Variants in CACNA2D2 observed in about 807,000 individuals in gnomAD.
The protein encoded by CACNA2D2 is voltage-dependent calcium channel subunit alpha-2/delta-2.
Under a neutral mutation model 166.4 loss-of-function variants are expected in CACNA2D2, and 48 were observed. The ratio of observed to expected loss-of-function variants is 0.29; its 90% confidence interval spans 0.23 to 0.37. The LOEUF (loss-of-function observed/expected upper bound fraction) is 0.37. Among genes scored for constraint, CACNA2D2 ranks in the 10% least tolerant of loss-of-function variants. The probability of loss-of-function intolerance (pLI) is 1.00; values close to 1 mark genes in which losing one functional copy is unlikely to be tolerated. For synonymous variants in CACNA2D2, 561 were observed against 573.7 expected (o/e 0.98, Z 0.32); for missense variants, 1,122 against 1,433.0 (o/e 0.78, Z 3.50).
Position 50,472,486 on chromosome 3 carries a change from C to T in CACNA2D2, c.288+3632G>A, listed in dbSNP as rs573137048. ...CAGGCAGCTCTAGCCTCAGCCCCGA[C>T]CCCAGGCAGAGGAGCTTCCCTCCTT... On this transcript the variant is annotated intron_variant, in intron 2 of 37. Transcript: ENST00000424201. 8.1e-3 allele frequency among the ~76,000 whole-genome samples: 1,239 copies of T among 152,296 alleles called. 20 individuals are homozygous for T. Among genetic ancestry groups the T allele is most frequent in the African/African-American group, 0.028 (1,173 of 41,556 alleles).
At chr3:50,484,394 T>G (rs1017211756) in intron 1 of CACNA2D2, among the ~76,000 whole-genome samples, 3 of 152,176 alleles carry the variant, frequency 2.0e-5, no homozygotes, top group African/African-American at 7.2e-5. Context: ...AGTGCCCTGC[T>G]GTCATGTCCC....
chr3:50,466,988 C>T (rs1709852955), intron 2 of CACNA2D2, among the ~76,000 whole-genome samples: 1 of 152,112 alleles, frequency 6.6e-6, no homozygotes, highest in Non-Finnish European at 1.5e-5. Flanking sequence ...GTTTAAAAAG[C>T]TGGGAAGAGG....
chr3:50,374,906 C>T (rs924635164), intron 21 of CACNA2D2, 93 bp from the exon 22 acceptor site: 2 of 994,180 alleles, frequency 2.0e-6, no homozygotes, highest in African/African-American at 1.6e-5. Context: ...GAGGCCCCAG[C>T]TGCAGCATCC....
Position 50,385,452 on chromosome 3 carries a change from G to A in CACNA2D2, c.511-1115C>T, listed in dbSNP as rs966511330. ...ACCCCCGCTGCCCACTATGACCTGG[G>A]CATGCCCCTCCCCTGTGTTTCTGCC... is the stretch of plus-strand genomic sequence containing the variant. On this transcript the variant is annotated intron_variant, in intron 5 of 37. Coordinates refer to ENST00000424201, the MANE Select transcript of CACNA2D2 (RefSeq NM_006030.4). Among the ~76,000 whole-genome samples, 3 of 152,294 alleles carry A rather than the reference G, an allele frequency of 2.0e-5. No homozygotes were observed. In the South Asian group the frequency reaches 6.2e-4, roughly 32 times the overall value.
chr3:50,468,380 AGTGTGTGTGTGTGTGTGTGTGTGTGTGT>A (rs3220659), intron 2 of CACNA2D2, among the ~76,000 whole-genome samples: 10 of 83,172 alleles, frequency 1.2e-4, no homozygotes, highest in South Asian at 7.2e-4. Flanking sequence ...TCATCAGAAT[AGTGTGTGTGTGTGTGTGTGTGTGTGTGT>A]GTGTGTGTGT....
Position 50,407,362 on chromosome 3 carries a change from T to C in CACNA2D2, c.406-13194A>G, listed in dbSNP as rs184653639. Among the ~76,000 whole-genome samples the C allele has an allele frequency of 5.0e-3, 759 of 151,534 alleles. 85 individuals carry two copies. In the East Asian group the frequency reaches 0.15, roughly 30 times the overall value. On this transcript the variant is annotated intron_variant, in intron 3 of 37. Coordinates refer to ENST00000424201, the MANE Select transcript of CACNA2D2 (RefSeq NM_006030.4). Reference sequence around the variant, plus strand: ...GATGGAACCATGGTGCTGGCCAAATTAGACTTCCTAGGCCTGCCACTCGTG... The same window carrying C: ...GATGGAACCATGGTGCTGGCCAAATCAGACTTCCTAGGCCTGCCACTCGTG...
chr3:50,479,242 C>T (rs972202236), intron 1 of CACNA2D2, among the ~76,000 whole-genome samples: 3 of 152,104 alleles, frequency 2.0e-5, no homozygotes, highest in Admixed American at 2.0e-4. Flanking sequence ...CTAGACTCTG[C>T]TATGGGCTGC....
rs987814006 is a variant in CACNA2D2, at chr3:50,364,761, G to A, written c.3337C>T (p.Leu1113=). 1 of 1,579,066 alleles carries A rather than the reference G, an allele frequency of 6.3e-7. No homozygotes were observed. Among genetic ancestry groups the A allele is most frequent in the African/African-American group, 1.4e-5 (1 of 73,774 alleles). Residue 1113 remains leucine (L), a synonymous_variant, in exon 38 of 38, where the codon CTG becomes TTG. Transcript: ENST00000424201. ...AGTTGCAGGGAGACCAGGACGCCCA[G>A]CGACGGCGGGAAGGAGGCCCCGCGG... ...CGRGASFPPS[L]GVLVSLQLLL...
chr3:50,373,790 G>A (rs1307568147), intron 22 of CACNA2D2, among the ~76,000 whole-genome samples: 2 of 130,126 alleles, frequency 1.5e-5, no homozygotes, highest in Non-Finnish European at 3.3e-5. Flanking sequence ...AGAGGGGAGA[G>A]AGGTAGGAAG....
intron 1 of CACNA2D2, among the ~76,000 whole-genome samples, chr3:50,502,272 G>A (rs1699003665): frequency 6.6e-6 from 1 of 152,180 alleles, no homozygotes; most frequent in African/African-American, 2.4e-5. Flanking sequence ...CCTCAGACCC[G>A]GAGACAGATA....
chr3:50,469,358 T>C (rs1257697809), intron 2 of CACNA2D2, among the ~76,000 whole-genome samples: 2 of 147,894 alleles, frequency 1.4e-5, no homozygotes, highest in Non-Finnish European at 2.9e-5. Context: ...TGCCCCAGCT[T>C]GGTGGCCTTT....
At chr3:50,469,260 A>G (rs765121348) in intron 2 of CACNA2D2, among the ~76,000 whole-genome samples, 9 of 152,088 alleles carry the variant, frequency 5.9e-5, no homozygotes, top group Non-Finnish European at 1.0e-4. Flanking sequence ...CTCCTCCCCA[A>G]CAGCATCTCT....
chr3:50,478,141 A>G (rs1308009097), intron 1 of CACNA2D2, among the ~76,000 whole-genome samples: 2 of 152,088 alleles, frequency 1.3e-5, no homozygotes, highest in Non-Finnish European at 2.9e-5. Context: ...TCCGCTCCCC[A>G]CCACAGGGGA....
In CACNA2D2 at chr3:50,364,552, A is replaced by T; in HGVS notation, c.*114T>A. 7.8e-7 allele frequency: 1 copy of T among 1,277,786 alleles called. No individual in the cohort carries two copies. The highest frequency in any genetic ancestry group is 1.0e-6 in the Non-Finnish European group (1 of 955,874). 79.2% of individuals were successfully genotyped at this position (1,277,786 alleles called of 1,614,324 possible). On this transcript the variant is annotated 3_prime_UTR_variant, in exon 38 of 38. Transcript: ENST00000424201. ...CAGACTCTCAGGGCCTGGCCAGCTCAGGTCCTTCAGTGAGGGAGGGACGAG... is the reference window on the plus strand; with the variant it reads ...CAGACTCTCAGGGCCTGGCCAGCTCTGGTCCTTCAGTGAGGGAGGGACGAG...
At position 50,368,244 on chromosome 3, in the gene CACNA2D2, G is replaced by A. The variant is rs371384871; in HGVS notation, c.2046-9C>T. On this transcript the variant is annotated splice_polypyrimidine_tract_variant and intron_variant, in intron 23 of 37. Transcript: ENST00000424201. ...GGTCCTTGCAGTACTCTCTAGGGAT[G>A]GGGAGGGGCAAGAAGAGTGGGCTTG... The A allele has an allele frequency of 2.5e-6, 4 of 1,575,396 alleles. No individual in the cohort carries two copies. The highest frequency in any genetic ancestry group is 2.7e-5 in the African/African-American group (2 of 74,232).
chr3:50,415,334 C>CTATG (rs1375947140), intron 3 of CACNA2D2, among the ~76,000 whole-genome samples: 1 of 152,170 alleles, frequency 6.6e-6, no homozygotes, highest in Non-Finnish European at 1.5e-5. Flanking sequence ...TTGGGTTTGA[C>CTATG]TATGGATGAG....
intron 2 of CACNA2D2, among the ~76,000 whole-genome samples, chr3:50,443,043 G>GGGCCC (rs1181042243): frequency 6.6e-6 from 1 of 152,172 alleles, no homozygotes; most frequent in Non-Finnish European, 1.5e-5. Flanking sequence ...CAAGAACCAG[G>GGGCCC]GGCCCCTGTT....
intron 2 of CACNA2D2, among the ~76,000 whole-genome samples, chr3:50,475,724 G>C (rs1461145734): frequency 6.6e-6 from 1 of 151,482 alleles, no homozygotes; most frequent in Non-Finnish European, 1.5e-5. Context: ...TTTCGGGCTG[G>C]TATGGACCGG....
At position 50,362,833 on chromosome 3, in the gene CACNA2D2, G is replaced by C. The variant is rs1483667260; in HGVS notation, c.*1833C>G. ...AAAATATGAACATTATTTAATAACT[G>C]ATCTTCTGTAATAAACCATTTGAAA... On this transcript the variant is annotated 3_prime_UTR_variant, in exon 38 of 38. Coordinates refer to ENST00000424201, the MANE Select transcript of CACNA2D2 (RefSeq NM_006030.4). 3.4e-6 allele frequency: 1 copy of C among 294,392 alleles called. No homozygotes were observed. 18.2% of individuals were successfully genotyped at this position (294,392 alleles called of 1,614,324 possible).
Sources: gnomAD v4.1 joint callset for allele counts (sites outside exome capture counted in the v4.1 genomes callset) on GRCh38, gnomAD v4.1.1 for gene constraint, MANE v1.5 for transcripts, NCBI Gene and HGNC (gene_info 2026-07-23, HGNC 2026-07-21) for gene names.